RPH3AL: variants seen among roughly 807,000 people sequenced by gnomAD.
The protein encoded by RPH3AL is rab effector Noc2.
Under a neutral mutation model 43.1 loss-of-function variants are expected in RPH3AL, and 38 were observed. The ratio of observed to expected loss-of-function variants is 0.88; its 90% confidence interval spans 0.68 to 1.15. RPH3AL has a LOEUF of 1.15. RPH3AL is among the 50% of genes most tolerant of loss of function. The pLI is 0.00. For synonymous variants in RPH3AL, 189 were observed against 176.3 expected (o/e 1.07, Z -0.57); for missense variants, 462 against 423.2 (o/e 1.09, Z -0.81).
intron 5 of RPH3AL, among the ~76,000 whole-genome samples, chr17:316,555 A>T (rs199747840): frequency 1.5e-5 from 1 of 68,406 alleles, no homozygotes; most frequent in African/African-American, 4.0e-5. Flanking sequence ...CTCCACTGAC[A>T]TGTAGTCCCT....
intron 5 of RPH3AL, among the ~76,000 whole-genome samples, chr17:311,263 G>C (rs1252013496): frequency 3.3e-5 from 5 of 152,168 alleles, no homozygotes; most frequent in Non-Finnish European, 5.9e-5. Context: ...TTCCTAAGTC[G>C]AATCTGCCAT....
At chr17:214,627 G>T (rs568477512) in intron 9 of RPH3AL, 1 of 152,440 alleles carries the variant, frequency 6.6e-6, no homozygotes, top group Non-Finnish European at 1.5e-5. Context: ...ATAATTAGCC[G>T]GGCATGGTGG....
chr17:307,233 CCACGGCAGG>C (rs2043516671), intron 5 of RPH3AL, among the ~76,000 whole-genome samples: 4 of 51,664 alleles, frequency 7.7e-5, no homozygotes, highest in African/African-American at 2.7e-4. Flanking sequence ...CAGGTCCATC[CCACGGCAGG>C]TCCTCCCCAC....
chr17:298,615 G>C (rs2043239595), intron 5 of RPH3AL, among the ~76,000 whole-genome samples: 1 of 151,786 alleles, frequency 6.6e-6, no homozygotes, highest in Non-Finnish European at 1.5e-5. Flanking sequence ...TGAGGCAGGA[G>C]AATCACTTGA....
intron 6 of RPH3AL, among the ~76,000 whole-genome samples, chr17:271,118 G>C (rs181055983): frequency 1.3e-5 from 2 of 152,146 alleles, no homozygotes; most frequent in African/African-American, 2.4e-5. Flanking sequence ...GGCCTCTGTT[G>C]TGTTCCATTG....
chr17:243,075 CTTCCTCTATTGATTACCT>C (rs2041615155), intron 7 of RPH3AL, among the ~76,000 whole-genome samples: 1 of 136,778 alleles, frequency 7.3e-6, no homozygotes, highest in African/African-American at 2.7e-5. Flanking sequence ...TATTGATTAC[CTTCCTCTATTGATTACCT>C]TTCCTCTACT....
chr17:281,746 A>G, intron 6 of RPH3AL, 22 bp downstream of exon 6: 1 of 1,325,034 alleles, frequency 7.5e-7, no homozygotes. Context: ...AGCCCTCCCC[A>G]CCGTCACCCT....
rs1208297411 is a variant in RPH3AL at position 264,637 on chromosome 17, G to A, written c.438+17131C>T. ...CATGAAGCATGTCACAAGGCCTATT[G>A]GACACATTTGTGACCACACAGGACC... On this transcript the variant is annotated intron_variant, in intron 6 of 9. Coordinates refer to ENST00000331302, the MANE Select transcript of RPH3AL (RefSeq NM_006987.4). The surrounding 1 kb of genome is among the most constrained non-coding windows in gnomAD (Gnocchi z 4.8). 6.6e-6 allele frequency among the ~76,000 whole-genome samples: 1 copy of A among 152,164 alleles called. No individual in the cohort carries two copies. The highest frequency in any genetic ancestry group is 1.5e-5 in the Non-Finnish European group (1 of 68,026).
intron 7 of RPH3AL, among the ~76,000 whole-genome samples, chr17:244,397 G>A (rs1419022755): frequency 2.6e-5 from 4 of 152,110 alleles, no homozygotes; most frequent in Non-Finnish European, 5.9e-5. Context: ...AAGAGATGTG[G>A]GATGTAGGGA....
chr17:300,729 A>G lies in RPH3AL; in HGVS notation c.351+18691T>C, dbSNP rs61675983. Among the ~76,000 whole-genome samples, 707 of 99,946 alleles carry G rather than the reference A, an allele frequency of 7.1e-3. 9 individuals are homozygous for G. The highest frequency in any genetic ancestry group is 0.068 in the East Asian group (129 of 1,906). The allele number at this position is 99,946 out of a possible 152,430, so 65.6% of individuals were successfully genotyped here. A position where few individuals can be genotyped will look rare whatever the true frequency, so the allele number is the denominator to read the frequency against. On this transcript the variant is annotated intron_variant, in intron 5 of 9. Transcript: ENST00000331302. The stretch of plus-strand genomic sequence containing the variant: ...CCTAGACCTGCAGAATCTCTCACCC[A>G]CTCTAGCAGGGGCTGGCCCATAGGC...
chr17:277,082 A>C (rs1483023693), intron 6 of RPH3AL, among the ~76,000 whole-genome samples: 1 of 152,252 alleles, frequency 6.6e-6, no homozygotes, highest in Non-Finnish European at 1.5e-5. Flanking sequence ...CTAGAAATCC[A>C]TTCTAAGGAT....
intron 5 of RPH3AL, among the ~76,000 whole-genome samples, chr17:294,889 A>G (rs866956183): frequency 1.3e-3 from 40 of 30,702 alleles, no homozygotes; most frequent in East Asian, 2.4e-3. Flanking sequence ...AGAAATGGAC[A>G]GCAGAGGGAA....
At chr17:252,705 C>T (rs1190905283) in intron 6 of RPH3AL, among the ~76,000 whole-genome samples, 2 of 152,184 alleles carry the variant, frequency 1.3e-5, no homozygotes, top group Non-Finnish European at 2.9e-5. Context: ...TCGGTTATTG[C>T]CTTAGGAAAG....
At chr17:286,158 A>G (rs1045934790) in intron 5 of RPH3AL, among the ~76,000 whole-genome samples, 1 of 152,188 alleles carries the variant, frequency 6.6e-6, no homozygotes, top group Admixed American at 6.5e-5. Flanking sequence ...GAGAGTGTCC[A>G]CGGAACTGAG....
At chr17:332,452 C>T (rs1321344630) in intron 2 of RPH3AL, 3 of 165,628 alleles carry the variant, frequency 1.8e-5, no homozygotes, top group Non-Finnish European at 4.0e-5. Context: ...CCCTGCTGGA[C>T]CTTGGGTGCC....
chr17:281,730 C>A, intron 6 of RPH3AL, 38 bp downstream of exon 6: 1 of 1,501,454 alleles, frequency 6.7e-7, no homozygotes, highest in Non-Finnish European at 9.3e-7. Context: ...CATATCCAGC[C>A]CACTCAGCCC....
intron 7 of RPH3AL, among the ~76,000 whole-genome samples, chr17:238,407 G>C (rs2041452764): frequency 6.6e-6 from 1 of 151,188 alleles, no homozygotes; most frequent in Non-Finnish European, 1.5e-5. Flanking sequence ...GCGGGTCACA[G>C]CTCTGGAGGT....
intron 6 of RPH3AL, among the ~76,000 whole-genome samples, chr17:266,594 G>C (rs1200373598): frequency 1.1e-4 from 16 of 152,216 alleles, no homozygotes; most frequent in Non-Finnish European, 2.2e-4. Flanking sequence ...CAGCCCAGGA[G>C]AGCACAGCTT....
Position 213,581 on chromosome 17 carries a change from C to G in RPH3AL, c.*271G>C. 3.6e-6 allele frequency: 2 copies of G among 556,020 alleles called. No individual in the cohort carries two copies. Among genetic ancestry groups the G allele is most frequent in the South Asian group, 4.1e-5 (2 of 48,786 alleles). The allele number at this position is 556,020 out of a possible 1,614,324, so 34.4% of individuals were successfully genotyped here. A position where few individuals can be genotyped will look rare whatever the true frequency, so the allele number is the denominator to read the frequency against. ...ACACGCGCAAACTTAAAATCATCAC[C>G]AGGTAGATTGGGGGTGTGGGAGGGG... On this transcript the variant is annotated 3_prime_UTR_variant, in exon 10 of 10. Coordinates refer to ENST00000331302, the MANE Select transcript of RPH3AL (RefSeq NM_006987.4).
Sources: allele counts gnomAD v4.1 joint callset (sites outside exome capture counted in the v4.1 genomes callset), GRCh38; gene constraint gnomAD v4.1.1; non-coding constraint Gnocchi (gnomAD v3.1); transcripts MANE v1.5; gene names NCBI Gene and HGNC (gene_info 2026-07-23, HGNC 2026-07-21).